The following ATXN2 variants were observed in gnomAD, a reference collection of about 807,000 sequenced individuals.
ATXN2 encodes the protein ataxin-2.
ATXN2 carries 37 observed loss-of-function variants against 138.6 expected under a neutral mutation model. The ratio of observed to expected loss-of-function variants is 0.27; its 90% CI spans 0.21 to 0.35. The LOEUF (loss-of-function observed/expected upper bound fraction) is 0.35. Ranked by LOEUF, ATXN2 falls within the 10% of genes least tolerant of loss-of-function variation. The pLI is 1.00. For synonymous variants in ATXN2, 549 were observed against 543.7 expected, an observed-to-expected ratio of 1.01 and a Z score of -0.13; for missense variants, 1,216 against 1,480.3, an observed-to-expected ratio of 0.82 and a Z score of 2.93.
At chr12:111,520,122 C>T (rs1174769328) in intron 7 of ATXN2, 46 bp from the exon 8 acceptor site, 1 of 1,588,318 alleles carries the variant, frequency 6.3e-7, no homozygotes, top group Non-Finnish European at 8.6e-7. Flanking sequence ...TTTAAAGCCA[C>T]AGTTTATGTA....
intron 1 of ATXN2, among the ~76,000 whole-genome samples, chr12:111,583,766 C>CAAAAAAAAAAAAAAAAAAAAAAAAAAAAA: frequency 1.7e-5 from 1 of 58,122 alleles, no homozygotes; most frequent in Non-Finnish European, 2.9e-5. Flanking sequence ...GACTCCGACT[C>CAAAAAAAAAAAAAAAAAAAAAAAAAAAAA]AAAAAAAAAA....
At chr12:111,560,602 C>T (rs1021820142) in intron 1 of ATXN2, among the ~76,000 whole-genome samples, 1 of 152,154 alleles carries the variant, frequency 6.6e-6, no homozygotes, top group Non-Finnish European at 1.5e-5. Flanking sequence ...AGACGTGTCA[C>T]ACTGTACAGG....
intron 1 of ATXN2, among the ~76,000 whole-genome samples, chr12:111,572,886 G>A (rs557953708): frequency 1.1e-4 from 16 of 152,184 alleles, no homozygotes; most frequent in African/African-American, 3.9e-4. Flanking sequence ...TGGTGTGTGG[G>A]TTCTCAGATC....
intron 8 of ATXN2, 24 bp downstream of exon 8, chr12:111,519,855 T>C (rs1261645394): frequency 6.2e-7 from 1 of 1,614,106 alleles, no homozygotes; most frequent in Non-Finnish European, 8.5e-7. Context: ...TCCAAAATAC[T>C]GCATCATGAT....
chr12:111,512,237 C>G (rs1209673171), intron 11 of ATXN2: 2 of 152,404 alleles, frequency 1.3e-5, no homozygotes, highest in African/African-American at 4.8e-5. Context: ...AGGCATGAGC[C>G]ACAGCAACTG....
chr12:111,596,342 T>A (rs1884941672), intron 1 of ATXN2, among the ~76,000 whole-genome samples: 1 of 149,212 alleles, frequency 6.7e-6, no homozygotes, highest in African/African-American at 2.5e-5. Context: ...AAGAACAAAA[T>A]AAATCACTTC....
intron 18 of ATXN2, 175 bp from the exon 19 acceptor site, chr12:111,470,917 C>A: frequency 1.5e-6 from 1 of 650,476 alleles, no homozygotes; most frequent in Non-Finnish European, 2.6e-6. Context: ...CATGCTAGTC[C>A]TCAGCCTCAA....
At position 111,525,207 on chromosome 12, in the gene ATXN2, A is replaced by C; in HGVS notation, c.681T>G (p.Ala227=). ...GELTANEELE[A]LENDVSNGWD... ...TGTTACTTACTACGTCATTTTCCAA[A>C]GCCTCAAGTTCCTCATTGGCTGTGA... The change falls in exon 6 of 25, where the codon GCT becomes GCG. Residue 227 remains alanine (A), a synonymous_variant. Coordinates refer to ENST00000673436, the MANE Select transcript of ATXN2 (RefSeq NM_001372574.1). 6.2e-7 allele frequency: 1 copy of C among 1,610,890 alleles called. No individual in the cohort carries two copies. Among genetic ancestry groups the C allele is most frequent in the African/African-American group, 1.3e-5 (1 of 74,834 alleles).
At chr12:111,468,168 T>A (rs185497502) in intron 20 of ATXN2, among the ~76,000 whole-genome samples, 1 of 152,372 alleles carries the variant, frequency 6.6e-6, no homozygotes, top group East Asian at 1.9e-4. Context: ...TTAAAATATA[T>A]ACAAGTTGCA....
rs1465166258 is a variant in ATXN2 at position 111,552,191 on chromosome 12, T to C, written c.571+89A>G. 1.4e-6 allele frequency: 2 copies of C among 1,398,010 alleles called. No individual in the cohort carries two copies. The highest frequency in any genetic ancestry group is 1.9e-6 in the Non-Finnish European group (2 of 1,044,912). 86.6% of individuals were successfully genotyped at this position (1,398,010 alleles called of 1,614,324 possible). A position where few individuals can be genotyped will look rare whatever the true frequency, so the allele number is the denominator to read the frequency against. On this transcript the variant is annotated intron_variant, in intron 5 of 24. Coordinates refer to ENST00000673436, the MANE Select transcript of ATXN2 (RefSeq NM_001372574.1). This position sits in a 1 kb window ranked among gnomAD's most constrained non-coding sequence, Gnocchi z 4.1. Reference sequence around the variant, plus strand: ...CCGCCATACCCAGCCCAGATATTTCTTTAAAAAAAGTTTGTAAGATCACTG... The same window carrying C: ...CCGCCATACCCAGCCCAGATATTTCCTTAAAAAAAGTTTGTAAGATCACTG...
At chr12:111,519,254 T>C (rs1405696964) in intron 8 of ATXN2, among the ~76,000 whole-genome samples, 2 of 152,180 alleles carry the variant, frequency 1.3e-5, no homozygotes, top group Non-Finnish European at 2.9e-5. Flanking sequence ...GGGTGCTCTT[T>C]AGCATGACAT....
At chr12:111,575,616 C>T (rs974448668) in intron 1 of ATXN2, among the ~76,000 whole-genome samples, 8 of 152,120 alleles carry the variant, frequency 5.3e-5, no homozygotes, top group South Asian at 2.1e-4. Context: ...GTCTATACTA[C>T]CACATAAGCT....
intron 21 of ATXN2, among the ~76,000 whole-genome samples, chr12:111,458,735 A>C (rs1266674005): frequency 2.0e-5 from 3 of 152,246 alleles, no homozygotes; most frequent in Non-Finnish European, 2.9e-5. Context: ...TGGTGAGAGA[A>C]GCAAGCACAG....
At chr12:111,576,110 CATAACATAACATAACATAACATA>C (rs1396569846) in intron 1 of ATXN2, among the ~76,000 whole-genome samples, 2 of 136,344 alleles carry the variant, frequency 1.5e-5, no homozygotes, top group Non-Finnish European at 3.0e-5. Flanking sequence ...CATAACATAA[CATAACATAACATAACATAACATA>C]ACATCACACC....
At chr12:111,561,612 T>C (rs1275944379) in intron 1 of ATXN2, among the ~76,000 whole-genome samples, 2 of 152,064 alleles carry the variant, frequency 1.3e-5, no homozygotes, top group Non-Finnish European at 1.5e-5. Flanking sequence ...GGCGGGTGGA[T>C]CACCTGAAGT....
intron 5 of ATXN2, among the ~76,000 whole-genome samples, chr12:111,531,571 A>G (rs1880835640): frequency 7.3e-6 from 1 of 137,876 alleles, no homozygotes; most frequent in African/African-American, 3.2e-5. Context: ...ACTGAATTGT[A>G]TACTACGAGC....
intron 8 of ATXN2, 86 bp downstream of exon 8, chr12:111,519,793 A>C (rs534201847): frequency 7.5e-6 from 12 of 1,591,884 alleles, no homozygotes; most frequent in Non-Finnish European, 1.0e-5. Flanking sequence ...ATATTAAAGG[A>C]AGAGGAAATA....
chr12:111,481,759 G>A (rs1217880693), intron 18 of ATXN2, among the ~76,000 whole-genome samples: 4 of 151,884 alleles, frequency 2.6e-5, no homozygotes, highest in Non-Finnish European at 5.9e-5. Flanking sequence ...AGGTTCAAGC[G>A]ATTCTGATGC....
Position 111,488,479 on chromosome 12 carries a change from G to A in ATXN2, c.2237C>T (p.Ala746Val). The A allele has an allele frequency of 1.9e-6, 3 of 1,606,826 alleles. No individual in the cohort carries two copies. Among genetic ancestry groups the A allele is most frequent in the Middle Eastern group, 3.3e-4 (2 of 6,028 alleles). ...TCTAAGTTCCAGGTTTACTCACTCA[G>A]CTGCGTCTTTCTTCTCTTCCTTATC... is the stretch of plus-strand genomic sequence containing the variant. ...KDDKEEKKDA[A>V]EQVRKSTLNP... The change falls in exon 15 of 25, where the codon GCT becomes GTT. Residue 746 changes from alanine (A) to valine (V), a missense_variant. Physicochemically the swap from Ala to Val is moderately conservative, Grantham distance 64. This residue lies in a region of ATXN2 where 490 missense variants were observed against 653.5 expected (regional missense o/e 0.75). Transcript: ENST00000673436.
Sources: allele counts gnomAD v4.1 joint callset (sites outside exome capture counted in the v4.1 genomes callset), GRCh38; gene constraint gnomAD v4.1.1; regional missense constraint gnomAD v4.1.1; non-coding constraint Gnocchi (gnomAD v3.1); transcripts MANE v1.5; gene names NCBI Gene and HGNC (gene_info 2026-07-23, HGNC 2026-07-21).